MLLT3: variants seen among roughly 807,000 people sequenced by gnomAD.
The protein encoded by MLLT3 is MLLT3 super elongation complex subunit.
MLLT3 carries 4 observed loss-of-function variants against 53.2 expected under a neutral mutation model. That is an observed-to-expected ratio of 0.08 (90% confidence interval 0.04 to 0.17). MLLT3 has a LOEUF of 0.17. Ranked by LOEUF, MLLT3 falls within the 10% of genes least tolerant of loss-of-function variation. The pLI, the probability that MLLT3 is intolerant of heterozygous loss-of-function variation, is 1.00. For missense variants in MLLT3, 569 were observed against 684.0 expected, an observed-to-expected ratio of 0.83 and a Z score of 1.87; for synonymous variants, 283 against 230.6, an observed-to-expected ratio of 1.23 and a Z score of -2.06.
intron 10 of MLLT3, among the ~76,000 whole-genome samples, chr9:20,352,091 T>C (rs1821043160): frequency 6.6e-6 from 1 of 152,198 alleles, no homozygotes; most frequent in African/African-American, 2.4e-5. Context: ...TCGCAATTCT[T>C]ATAAGGTCAA....
chr9:20,525,288 G>C (rs889033744), intron 2 of MLLT3, among the ~76,000 whole-genome samples: 3 of 152,150 alleles, frequency 2.0e-5, no homozygotes, highest in African/African-American at 7.2e-5. Context: ...CCTGAGGTCA[G>C]GAGTTTGAGA....
At chr9:20,460,528 T>G (rs777413874) in intron 2 of MLLT3, among the ~76,000 whole-genome samples, 30 of 152,190 alleles carry the variant, frequency 2.0e-4, no homozygotes, top group Non-Finnish European at 2.9e-4. Flanking sequence ...CCCTTGGCTC[T>G]CTTCCATAAT....
At chr9:20,500,286 T>C (rs1466832673) in intron 2 of MLLT3, among the ~76,000 whole-genome samples, 2 of 152,176 alleles carry the variant, frequency 1.3e-5, no homozygotes, top group Non-Finnish European at 2.9e-5. Flanking sequence ...CACAACACAA[T>C]GGCCTCTGAG....
intron 5 of MLLT3, among the ~76,000 whole-genome samples, chr9:20,370,170 T>C (rs538531867): frequency 6.6e-6 from 1 of 152,362 alleles, no homozygotes; most frequent in Non-Finnish European, 1.5e-5. Context: ...TCATGCCATT[T>C]TTCCAACAAT....
intron 2 of MLLT3, among the ~76,000 whole-genome samples, chr9:20,474,639 A>G (rs1468957293): frequency 6.6e-6 from 1 of 151,844 alleles, no homozygotes; most frequent in Non-Finnish European, 1.5e-5. Context: ...TGATCTAGCT[A>G]TTTGCTTAAG....
intron 2 of MLLT3, among the ~76,000 whole-genome samples, chr9:20,601,444 C>T (rs1459438043): frequency 2.0e-5 from 3 of 152,162 alleles, no homozygotes; most frequent in Admixed American, 2.0e-4. Context: ...TTAGCTGTAG[C>T]AACAGCAGAC....
intron 2 of MLLT3, among the ~76,000 whole-genome samples, chr9:20,573,596 G>A (rs1397785795): frequency 6.6e-6 from 1 of 152,196 alleles, no homozygotes; most frequent in Admixed American, 6.5e-5. Context: ...TAAAGTAGAT[G>A]TTAAAAAGCT....
intron 2 of MLLT3, among the ~76,000 whole-genome samples, chr9:20,588,182 T>C (rs562029467): frequency 6.6e-6 from 1 of 151,988 alleles, no homozygotes; most frequent in East Asian, 1.9e-4. Context: ...GAGGGCTCTG[T>C]TCTGTTCCAT....
chr9:20,385,146 G>A (rs1822003251), intron 5 of MLLT3, among the ~76,000 whole-genome samples: 1 of 152,134 alleles, frequency 6.6e-6, no homozygotes, highest in East Asian at 1.9e-4. Context: ...AAATAATAAA[G>A]GGGTCTACAA....
Position 20,448,159 on chromosome 9 carries a change from T to G in MLLT3, c.384A>C (p.Thr128=). The G allele has an allele frequency of 6.2e-7, 1 of 1,613,662 alleles. No individual in the cohort carries two copies. The highest frequency in any genetic ancestry group is 8.5e-7 in the Non-Finnish European group (1 of 1,179,730). The stretch of plus-strand genomic sequence containing the variant: ...TCAGCAACTTTCTCCTAAAGTCCTC[T>G]GTGGGGTTGTTGAAAGTTAGCTTTT... ...RCEKLTFNNP[T]EDFRRKLLKA... The change falls in exon 4 of 11, where the codon ACA becomes ACC. Residue 128 remains threonine (T), a synonymous_variant. Coordinates refer to ENST00000380338, the MANE Select transcript of MLLT3 (RefSeq NM_004529.4). This position sits in a 1 kb window ranked among gnomAD's most constrained non-coding sequence, Gnocchi z 4.0.
rs571774622 is a variant in MLLT3, at chr9:20,453,843, T to C, written c.276+2861A>G. On this transcript the variant is annotated intron_variant, in intron 3 of 10. Coordinates refer to ENST00000380338, the MANE Select transcript of MLLT3 (RefSeq NM_004529.4). ...AATTCTATGGATTACATAATTACCA[T>C]TTATTAATCCACATCTCTACATAGG... is the stretch of plus-strand genomic sequence containing the variant. Among the ~76,000 whole-genome samples, 3 of 152,316 alleles carry C rather than the reference T, an allele frequency of 2.0e-5. No individual in the cohort carries two copies. The East Asian group carries it at 5.8e-4, about 29-fold the overall frequency.
At chr9:20,358,790 A>G (rs1276497288) in intron 8 of MLLT3, among the ~76,000 whole-genome samples, 2 of 152,192 alleles carry the variant, frequency 1.3e-5, no homozygotes, top group Non-Finnish European at 2.9e-5. Flanking sequence ...TGCTGTGCCC[A>G]TGACGTATTG....
intron 2 of MLLT3, among the ~76,000 whole-genome samples, chr9:20,524,078 G>C (rs1230550325): frequency 6.6e-6 from 1 of 151,976 alleles, no homozygotes; most frequent in African/African-American, 2.4e-5. Context: ...GGATTTTTTG[G>C]ACAGTGAAAC....
chr9:20,386,183 A>G (rs948864580), intron 5 of MLLT3, among the ~76,000 whole-genome samples: 1 of 152,228 alleles, frequency 6.6e-6, no homozygotes, highest in Non-Finnish European at 1.5e-5. Context: ...ATCTGAAATG[A>G]AAAAGAGTTT....
At chr9:20,545,597 T>A (rs1356035465) in intron 2 of MLLT3, among the ~76,000 whole-genome samples, 1 of 152,146 alleles carries the variant, frequency 6.6e-6, no homozygotes, top group Non-Finnish European at 1.5e-5. Flanking sequence ...AAACAATTAG[T>A]ACACAGGAAT....
chr9:20,595,282 G>A (rs1201672320), intron 2 of MLLT3, among the ~76,000 whole-genome samples: 2 of 152,164 alleles, frequency 1.3e-5, no homozygotes, highest in Non-Finnish European at 1.5e-5. Flanking sequence ...CAGGAGGATC[G>A]CTTGATCCCA....
intron 4 of MLLT3, among the ~76,000 whole-genome samples, chr9:20,419,460 T>C (rs1380464404): frequency 3.4e-5 from 5 of 147,968 alleles, no homozygotes; most frequent in Non-Finnish European, 5.9e-5. Context: ...TAAAGTAATA[T>C]GGAAAAAAAT....
intron 2 of MLLT3, among the ~76,000 whole-genome samples, chr9:20,463,587 C>G (rs988865711): frequency 6.6e-6 from 1 of 152,184 alleles, no homozygotes; most frequent in East Asian, 1.9e-4. Flanking sequence ...CTTCTCCTAG[C>G]AACTTCCCCC....
intron 2 of MLLT3, among the ~76,000 whole-genome samples, chr9:20,510,721 GA>G (rs1825514393): frequency 6.6e-6 from 1 of 151,996 alleles, no homozygotes; most frequent in African/African-American, 2.4e-5. Flanking sequence ...TTACTTGGGA[GA>G]GGGGTTTGAA....
Sources: gnomAD v4.1 joint callset for allele counts (sites outside exome capture counted in the v4.1 genomes callset) on GRCh38, gnomAD v4.1.1 for gene constraint, Gnocchi (gnomAD v3.1) non-coding constraint, MANE v1.5 for transcripts, NCBI Gene and HGNC (gene_info 2026-07-23, HGNC 2026-07-21) for gene names.